The following NLGN1 variants were observed in gnomAD, a reference collection of about 807,000 sequenced individuals.
NLGN1 encodes the protein neuroligin-1.
A neutral mutation model predicts 65.5 loss-of-function variants in NLGN1; 12 were observed. That is an observed-to-expected ratio of 0.18 (90% CI 0.12 to 0.30). The LOEUF (loss-of-function observed/expected upper bound fraction) is 0.30, where lower values mean the gene tolerates loss of function less well. Ranked by LOEUF, NLGN1 falls within the 10% of genes least tolerant of loss-of-function variation. The pLI, the probability that NLGN1 is intolerant of heterozygous loss-of-function variation, is 1.00. For missense variants in NLGN1, 750 were observed against 1,007.1 expected (o/e 0.74, Z 3.46); for synonymous variants, 350 against 359.5 (o/e 0.97, Z 0.30).
chr3:174,197,448 A>G (rs1310509646), intron 4 of NLGN1, among the ~76,000 whole-genome samples: 1 of 148,732 alleles, frequency 6.7e-6, no homozygotes, highest in Non-Finnish European at 1.5e-5. Context: ...AAATATTTTC[A>G]GTCTATTTGC....
chr3:173,397,343 C>A (rs534074042), upstream of NLGN1, among the ~76,000 whole-genome samples: 14 of 152,248 alleles, frequency 9.2e-5, no homozygotes, highest in South Asian at 2.7e-3. Context: ...TACACCATGG[C>A]CAGTCGCTTG....
At chr3:173,746,744 ATCATCTTTT>A (rs1775442499) in intron 3 of NLGN1, among the ~76,000 whole-genome samples, 2 of 152,058 alleles carry the variant, frequency 1.3e-5, no homozygotes, top group Admixed American at 6.6e-5. Flanking sequence ...TGAAACAGGA[ATCATCTTTT>A]TATTCAATAT....
intron 4 of NLGN1, among the ~76,000 whole-genome samples, chr3:173,977,511 GC>G (rs892499462): frequency 1.3e-5 from 2 of 151,976 alleles, no homozygotes; most frequent in African/African-American, 4.8e-5. Context: ...AGTTTCTTAA[GC>G]CCCAAAGAAA....
intron 3 of NLGN1, among the ~76,000 whole-genome samples, chr3:173,711,077 C>T (rs933807381): frequency 1.3e-5 from 2 of 152,012 alleles, no homozygotes; most frequent in African/African-American, 2.4e-5. Context: ...CAAGAAGATC[C>T]ATAATTGGTC....
intron 3 of NLGN1, among the ~76,000 whole-genome samples, chr3:173,621,707 A>G (rs1754019779): frequency 6.6e-6 from 1 of 152,138 alleles, no homozygotes; most frequent in African/African-American, 2.4e-5. Flanking sequence ...AATTAGTAGA[A>G]TTGGAAAGTG....
At chr3:173,767,081 T>C (rs917775445) in intron 3 of NLGN1, among the ~76,000 whole-genome samples, 4 of 152,140 alleles carry the variant, frequency 2.6e-5, no homozygotes, top group Admixed American at 2.6e-4. Context: ...CAGCTATAAG[T>C]AGCTGTAAAT....
At chr3:173,530,078 C>G (rs900245115) in intron 2 of NLGN1, among the ~76,000 whole-genome samples, 1 of 151,994 alleles carries the variant, frequency 6.6e-6, no homozygotes, top group African/African-American at 2.4e-5. Flanking sequence ...CTGCCTCAGT[C>G]TCCTGAGTAG....
chr3:173,784,748 A>AAGG (rs1240159499), intron 3 of NLGN1, among the ~76,000 whole-genome samples: 1 of 152,076 alleles, frequency 6.6e-6, no homozygotes, highest in Non-Finnish European at 1.5e-5. Flanking sequence ...AGACATTCTG[A>AAGG]AGAAGAGAGA....
intron 4 of NLGN1, among the ~76,000 whole-genome samples, chr3:174,189,106 A>C (rs1731920421): frequency 2.6e-5 from 4 of 152,026 alleles, no homozygotes. Flanking sequence ...GCATATAATA[A>C]TATTTTTAAA....
At chr3:173,708,628 G>A (rs1768431070) in intron 3 of NLGN1, among the ~76,000 whole-genome samples, 1 of 152,102 alleles carries the variant, frequency 6.6e-6, no homozygotes, top group South Asian at 2.1e-4. Context: ...TGTAAACTGC[G>A]GGTGAACACA....
chr3:173,688,814 A>G (rs75575925), intron 3 of NLGN1, among the ~76,000 whole-genome samples: 4,303 of 152,304 alleles, frequency 0.028, 90 homozygotes, highest in Middle Eastern at 0.044. Context: ...CATGGACAAA[A>G]TTGCTAATTT....
intron 4 of NLGN1, among the ~76,000 whole-genome samples, chr3:173,862,896 T>TCTCTGC (rs1397721996): frequency 2.0e-5 from 3 of 152,116 alleles, no homozygotes; most frequent in Non-Finnish European, 2.9e-5. Flanking sequence ...ACTTCTCTAA[T>TCTCTGC]CTCTGCCTCC....
At chr3:173,958,491 C>T (rs1712696416) in intron 4 of NLGN1, among the ~76,000 whole-genome samples, 1 of 152,008 alleles carries the variant, frequency 6.6e-6, no homozygotes, top group Non-Finnish European at 1.5e-5. Context: ...AGGGAGGAGA[C>T]CCTGGAGTGG....
chr3:173,458,381 C>T (rs2148877945), intron 2 of NLGN1, among the ~76,000 whole-genome samples: 1 of 152,134 alleles, frequency 6.6e-6, no homozygotes, highest in East Asian at 1.9e-4. Flanking sequence ...GCTGGACATA[C>T]CACCTTCTTT....
At chr3:173,813,430 G>C in intron 4 of NLGN1, among the ~76,000 whole-genome samples, 1 of 152,180 alleles carries the variant, frequency 6.6e-6, no homozygotes, top group East Asian at 1.9e-4. Context: ...TTGAGATGTA[G>C]AAAGAAAAAG....
At chr3:174,010,513 T>G (rs536106398) in intron 4 of NLGN1, among the ~76,000 whole-genome samples, 1 of 152,300 alleles carries the variant, frequency 6.6e-6, no homozygotes, top group Non-Finnish European at 1.5e-5. Flanking sequence ...AGGAATAATT[T>G]TGTTAAGGCA....
At chr3:173,967,248 G>A (rs189971875) in intron 4 of NLGN1, among the ~76,000 whole-genome samples, 67 of 152,250 alleles carry the variant, frequency 4.4e-4, no homozygotes, top group South Asian at 8.3e-4. Context: ...CATAACTTCC[G>A]ACTGGTGGAC....
chr3:173,906,893 A>T (rs1260132200), intron 4 of NLGN1, among the ~76,000 whole-genome samples: 1 of 151,662 alleles, frequency 6.6e-6, no homozygotes, highest in South Asian at 2.1e-4. Context: ...AAAAAAAAAA[A>T]AAAAGAAAGG....
intron 4 of NLGN1, among the ~76,000 whole-genome samples, chr3:174,148,723 T>G (rs1723799027): frequency 6.6e-6 from 1 of 152,188 alleles, no homozygotes; most frequent in Admixed American, 6.5e-5. Flanking sequence ...CCATTAAGGC[T>G]CTATAATAAC....
Sources: gnomAD v4.1 joint callset for allele counts (sites outside exome capture counted in the v4.1 genomes callset) on GRCh38, gnomAD v4.1.1 for gene constraint, MANE v1.5 for transcripts, NCBI Gene and HGNC (gene_info 2026-07-23, HGNC 2026-07-21) for gene names.